SPCS2: variants seen among roughly 807,000 people sequenced by gnomAD.
SPCS2 encodes SPase 25 kDa subunit.
A neutral mutation model predicts 22.3 loss-of-function variants in SPCS2; 3 were observed. The observed-to-expected ratio is 0.13, with a 90% CI of 0.06 to 0.35. The LOEUF is 0.35. Among genes scored for constraint, SPCS2 ranks in the 10% least tolerant of loss-of-function variants. SPCS2 has a pLI of 1.00. For missense variants in SPCS2, 169 were observed against 280.9 expected (o/e 0.60, Z 2.85); for synonymous variants, 67 against 97.2 (o/e 0.69, Z 1.83).
At chr11:74,950,057 C>A (rs2140203993) in intron 1 of SPCS2, among the ~76,000 whole-genome samples, 1 of 152,138 alleles carries the variant, frequency 6.6e-6, no homozygotes, top group East Asian at 1.9e-4. Flanking sequence ...TCTGCTCATC[C>A]AAAAAAATTT....
intron 4 of SPCS2, among the ~76,000 whole-genome samples, chr11:74,975,569 C>T (rs1375472333): frequency 2.0e-5 from 3 of 152,106 alleles, no homozygotes; most frequent in African/African-American, 7.2e-5. Context: ...ATGTAACTGC[C>T]AATAAAACTG....
chr11:74,949,459 A>C (rs1282689), intron 1 of SPCS2, 60 bp downstream of exon 1: 677,153 of 1,430,614 alleles, frequency 0.47, 163,464 homozygotes, highest in Middle Eastern at 0.55. Context: ...GCGGCGAGCC[A>C]ACCTTCCCAT....
chr11:74,974,771 C>T (rs1489687093), intron 4 of SPCS2, among the ~76,000 whole-genome samples: 1 of 152,116 alleles, frequency 6.6e-6, no homozygotes, highest in Non-Finnish European at 1.5e-5. Flanking sequence ...CCAGCCACCA[C>T]GTCTGGCTAA....
intron 4 of SPCS2, among the ~76,000 whole-genome samples, chr11:74,970,930 A>G (rs1948580439): frequency 6.6e-6 from 1 of 152,210 alleles, no homozygotes; most frequent in Non-Finnish European, 1.5e-5. Flanking sequence ...TAGTATTTAC[A>G]GATATTTGCA....
chr11:74,951,374 G>A (rs1264234149), intron 1 of SPCS2, among the ~76,000 whole-genome samples: 1 of 152,172 alleles, frequency 6.6e-6, no homozygotes, highest in South Asian at 2.1e-4. Flanking sequence ...CCTACTGTCA[G>A]AGAGCACTCA....
intron 1 of SPCS2, among the ~76,000 whole-genome samples, chr11:74,955,860 A>ATATATATATATATATG (rs1948475534): frequency 1.1e-5 from 1 of 87,888 alleles, no homozygotes; most frequent in African/African-American, 7.4e-5. Context: ...AAATATATAT[A>ATATATATATATATATG]TATATATATA....
intron 1 of SPCS2, among the ~76,000 whole-genome samples, chr11:74,954,676 T>A (rs1948466238): frequency 6.6e-6 from 1 of 152,250 alleles, no homozygotes; most frequent in Non-Finnish European, 1.5e-5. Flanking sequence ...CTTTTAATAC[T>A]GTTGCAAACT....
chr11:74,955,791 T>C (rs1948474065), intron 1 of SPCS2, among the ~76,000 whole-genome samples: 1 of 145,302 alleles, frequency 6.9e-6, no homozygotes, highest in Non-Finnish European at 1.5e-5. Context: ...ATATGTCATG[T>C]AACACAGTGG....
chr11:74,968,803 G>A (rs1948562350), intron 3 of SPCS2, among the ~76,000 whole-genome samples: 1 of 152,082 alleles, frequency 6.6e-6, no homozygotes, highest in Non-Finnish European at 1.5e-5. Flanking sequence ...GGGATTACAG[G>A]TGTGAGCCAC....
At chr11:74,961,114 G>C (rs1948511593) in intron 1 of SPCS2, among the ~76,000 whole-genome samples, 1 of 151,434 alleles carries the variant, frequency 6.6e-6, no homozygotes, top group African/African-American at 2.4e-5. Flanking sequence ...CTGTGACCCA[G>C]TGAGGGAGAC....
intron 1 of SPCS2, among the ~76,000 whole-genome samples, chr11:74,952,564 AC>A: frequency 6.6e-6 from 1 of 152,162 alleles, no homozygotes; most frequent in East Asian, 1.9e-4. Flanking sequence ...TGATCTGCCC[AC>A]CTCAGCCTCC....
At chr11:74,955,035 A>C (rs1332993502) in intron 1 of SPCS2, among the ~76,000 whole-genome samples, 1 of 152,176 alleles carries the variant, frequency 6.6e-6, no homozygotes, top group Admixed American at 6.5e-5. Flanking sequence ...CTTCACGTCC[A>C]CTAAGATTGC....
intron 1 of SPCS2, among the ~76,000 whole-genome samples, chr11:74,958,843 A>T (rs183464039): frequency 8.5e-5 from 13 of 152,222 alleles, no homozygotes; most frequent in African/African-American, 2.9e-4. Flanking sequence ...CTCTGCACTT[A>T]CATCAGGCCC....
intron 1 of SPCS2, among the ~76,000 whole-genome samples, chr11:74,958,147 T>G (rs962909454): frequency 2.6e-5 from 4 of 152,096 alleles, no homozygotes; most frequent in African/African-American, 4.8e-5. Flanking sequence ...CTAAATGCAG[T>G]TTGTGGTGGA....
chr11:74,955,878 A>ATATATATATATATATATATATATATG (rs1948476181), intron 1 of SPCS2, among the ~76,000 whole-genome samples: 1 of 117,318 alleles, frequency 8.5e-6, no homozygotes, highest in Admixed American at 8.6e-5. Flanking sequence ...ATATATATAT[A>ATATATATATATATATATATATATATG]TATATATATC....
At chr11:74,973,228 T>A (rs551851456) in intron 4 of SPCS2, among the ~76,000 whole-genome samples, 9 of 152,206 alleles carry the variant, frequency 5.9e-5, no homozygotes, top group Non-Finnish European at 1.3e-4. Context: ...ATCCCCCCTT[T>A]GAATGCATGT....
rs1008173883 is a variant in SPCS2 at position 74,978,796 on chromosome 11, G to A, written c.*1753G>A. ...CTGTACTGTTAGACACAAGGGTCTC[G>A]AGGCTTGCAGATAGAGACTGAATAA... On this transcript the variant is annotated 3_prime_UTR_variant, in exon 5 of 5. Transcript: ENST00000263672. The A allele has an allele frequency of 1.3e-5, 2 of 152,080 alleles. No individual in the cohort carries two copies. Among genetic ancestry groups the A allele is most frequent in the Admixed American group, 6.5e-5 (1 of 15,268 alleles). The allele number at this position is 152,080 out of a possible 1,614,324, so 9.4% of individuals were successfully genotyped here. A position where few individuals can be genotyped will look rare whatever the true frequency, so the allele number is the denominator to read the frequency against.
chr11:74,974,437 C>G (rs951273719), intron 4 of SPCS2, among the ~76,000 whole-genome samples: 1 of 152,180 alleles, frequency 6.6e-6, no homozygotes, highest in Admixed American at 6.5e-5. Flanking sequence ...TTTCCCACTT[C>G]AATAAATGGC....
chr11:74,953,010 G>C (rs923498123), intron 1 of SPCS2, among the ~76,000 whole-genome samples: 4 of 152,154 alleles, frequency 2.6e-5, no homozygotes, highest in African/African-American at 7.2e-5. Context: ...AGTACTTTTA[G>C]CATTGAATTT....
Sources: allele counts gnomAD v4.1 joint callset (sites outside exome capture counted in the v4.1 genomes callset), GRCh38; gene constraint gnomAD v4.1.1; transcripts MANE v1.5; gene names NCBI Gene and HGNC (gene_info 2026-07-23, HGNC 2026-07-21).